Variants in SLC8A3 observed in about 807,000 individuals in gnomAD.
SLC8A3 encodes the protein sodium/calcium exchanger 3.
In SLC8A3, 37 loss-of-function variants were observed where a neutral mutation model predicts 65.4. The ratio of observed to expected loss-of-function variants is 0.57; its 90% CI spans 0.44 to 0.74. The LOEUF is 0.74. Ranked by LOEUF, SLC8A3 falls within the 30% of genes least tolerant of loss-of-function variation. The probability of loss-of-function intolerance (pLI) is 0.00; values close to 1 mark genes in which losing one functional copy is unlikely to be tolerated. For synonymous variants in SLC8A3, 461 were observed against 444.5 expected, an observed-to-expected ratio of 1.04 and a Z score of -0.47; for missense variants, 1,112 against 1,172.1, an observed-to-expected ratio of 0.95 and a Z score of 0.75.
chr14:70,149,845 C>T (rs1386895046), intron 2 of SLC8A3, among the ~76,000 whole-genome samples: 1 of 152,208 alleles, frequency 6.6e-6, no homozygotes, highest in Non-Finnish European at 1.5e-5. Flanking sequence ...ATAACGTCCA[C>T]ATCGGGATGC....
At chr14:70,068,907 T>C (rs747121808) in intron 2 of SLC8A3, among the ~76,000 whole-genome samples, 10 of 151,982 alleles carry the variant, frequency 6.6e-5, no homozygotes, top group Non-Finnish European at 1.2e-4. Context: ...TTGTATTTTT[T>C]CTAGAGACGA....
At chr14:70,076,475 A>G (rs764772365) in intron 2 of SLC8A3, among the ~76,000 whole-genome samples, 12 of 152,232 alleles carry the variant, frequency 7.9e-5, no homozygotes, top group Non-Finnish European at 1.6e-4. Flanking sequence ...AATGAATACC[A>G]GTAAGTGGTG....
chr14:70,105,162 T>C (rs1330269977), intron 2 of SLC8A3, among the ~76,000 whole-genome samples: 1 of 152,044 alleles, frequency 6.6e-6, no homozygotes, highest in Non-Finnish European at 1.5e-5. Flanking sequence ...ACCCCGTCTC[T>C]ACTAAAAATA....
At chr14:70,115,662 G>A (rs1168098433) in intron 2 of SLC8A3, among the ~76,000 whole-genome samples, 2 of 152,068 alleles carry the variant, frequency 1.3e-5, no homozygotes, top group Admixed American at 6.5e-5. Flanking sequence ...AGCCTGAAAA[G>A]TGGGTGGCAC....
At chr14:70,090,982 G>A (rs191541381) in intron 2 of SLC8A3, among the ~76,000 whole-genome samples, 19 of 152,290 alleles carry the variant, frequency 1.2e-4, no homozygotes, top group African/African-American at 4.3e-4. Context: ...ATCCTCTAAA[G>A]GTCCATGGAG....
chr14:70,175,519 C>T (rs1043678841), intron 1 of SLC8A3, among the ~76,000 whole-genome samples: 6 of 152,100 alleles, frequency 3.9e-5, no homozygotes, highest in Admixed American at 3.9e-4. Flanking sequence ...CTTTGGGCTC[C>T]AGAAAGTTCT....
chr14:70,103,986 A>G (rs1566782029), intron 2 of SLC8A3, among the ~76,000 whole-genome samples: 1 of 152,114 alleles, frequency 6.6e-6, no homozygotes, highest in African/African-American at 2.4e-5. Context: ...AAGTGGCTAC[A>G]TTCATATCAG....
chr14:70,129,849 A>G (rs574321920), intron 2 of SLC8A3, among the ~76,000 whole-genome samples: 1 of 152,214 alleles, frequency 6.6e-6, no homozygotes, highest in African/African-American at 2.4e-5. Context: ...TGGAGGGCAG[A>G]ATCCAGTATT....
intron 1 of SLC8A3, among the ~76,000 whole-genome samples, chr14:70,184,545 T>C (rs552408416): frequency 6.6e-6 from 1 of 152,328 alleles, no homozygotes; most frequent in South Asian, 2.1e-4. Context: ...TCCTCTTTTC[T>C]TTCACCAAAG....
rs112900690 is a variant in SLC8A3 at position 70,048,738 on chromosome 14, T to C, written c.2389+29A>G. 3,030 of 1,604,508 alleles carry C rather than the reference T, an allele frequency of 1.9e-3. 56 individuals are homozygous for C. The African/African-American group carries it at 0.033, about 18-fold the overall frequency. ...TCATTTGAACCAGGTAAAATCCTCTTTGCAAATTCAAGCACCTCTCACTCT... is the reference window on the plus strand; with the variant it reads ...TCATTTGAACCAGGTAAAATCCTCTCTGCAAATTCAAGCACCTCTCACTCT... On this transcript the variant is annotated intron_variant, in intron 6 of 6. Coordinates refer to ENST00000356921, the MANE Select transcript of SLC8A3 (RefSeq NM_182932.3).
At chr14:70,108,478 T>C (rs564339382) in intron 2 of SLC8A3, among the ~76,000 whole-genome samples, 38 of 152,172 alleles carry the variant, frequency 2.5e-4, no homozygotes, top group African/African-American at 8.7e-4. Flanking sequence ...ATTCTTACAA[T>C]GTCCCTGTCC....
intron 2 of SLC8A3, among the ~76,000 whole-genome samples, chr14:70,129,317 T>A (rs1894675732): frequency 6.6e-6 from 1 of 152,124 alleles, no homozygotes; most frequent in African/African-American, 2.4e-5. Flanking sequence ...GGACACAGGG[T>A]GAAGGAGGGC....
intron 2 of SLC8A3, among the ~76,000 whole-genome samples, chr14:70,072,232 G>A (rs758718948): frequency 2.6e-5 from 4 of 152,132 alleles, no homozygotes; most frequent in Non-Finnish European, 5.9e-5. Context: ...CTTTCCCAGT[G>A]CCTGGAGAGC....
chr14:70,137,394 C>T (rs569948511), intron 2 of SLC8A3, among the ~76,000 whole-genome samples: 12 of 152,130 alleles, frequency 7.9e-5, no homozygotes, highest in Non-Finnish European at 1.5e-4. Context: ...CACCCCACAT[C>T]GGCCTCCCAA....
chr14:70,135,133 A>G (rs1361655969), intron 2 of SLC8A3, among the ~76,000 whole-genome samples: 3 of 152,152 alleles, frequency 2.0e-5, no homozygotes, highest in South Asian at 2.1e-4. Context: ...ACAGGTATAT[A>G]AAAAAATGCT....
At chr14:70,111,870 A>AG (rs1893327028) in intron 2 of SLC8A3, among the ~76,000 whole-genome samples, 1 of 152,192 alleles carries the variant, frequency 6.6e-6, no homozygotes, top group Admixed American at 6.5e-5. Flanking sequence ...GTGCTAGATG[A>AG]GGGGAGAGGA....
chr14:70,053,593 T>C (rs1887737270), intron 3 of SLC8A3, among the ~76,000 whole-genome samples: 1 of 152,248 alleles, frequency 6.6e-6, no homozygotes, highest in Admixed American at 6.5e-5. Flanking sequence ...ACCAATATAA[T>C]GAGCTCTCCA....
chr14:70,152,790 G>A (rs1360706145), intron 2 of SLC8A3, among the ~76,000 whole-genome samples: 4 of 152,230 alleles, frequency 2.6e-5, no homozygotes, highest in Admixed American at 2.6e-4. Flanking sequence ...GGGCTAAGCA[G>A]ATTAGTTTCC....
At chr14:70,160,205 G>A (rs1896804390) in intron 2 of SLC8A3, among the ~76,000 whole-genome samples, 1 of 152,136 alleles carries the variant, frequency 6.6e-6, no homozygotes, top group Non-Finnish European at 1.5e-5. Context: ...AGCTTTTTGG[G>A]AGGCCAAGGT....
Sources: gnomAD v4.1 joint callset for allele counts (sites outside exome capture counted in the v4.1 genomes callset) on GRCh38, gnomAD v4.1.1 for gene constraint, MANE v1.5 for transcripts, NCBI Gene and HGNC (gene_info 2026-07-23, HGNC 2026-07-21) for gene names.